The following TENM3 variants were observed in gnomAD, a reference collection of about 807,000 sequenced individuals.
TENM3 encodes teneurin transmembrane protein 3, also known as teneurin-3.
Under a neutral mutation model 255.1 loss-of-function variants are expected in TENM3, and 63 were observed. The observed-to-expected ratio is 0.25, with a 90% confidence interval of 0.20 to 0.30. The LOEUF (loss-of-function observed/expected upper bound fraction) is 0.30. Ranked by LOEUF, TENM3 falls within the 10% of genes least tolerant of loss-of-function variation. The pLI is 1.00. For missense variants in TENM3, 2,929 were observed against 3,461.1 expected (o/e 0.85, Z 3.86); for synonymous variants, 1,306 against 1,322.3 (o/e 0.99, Z 0.27).
the TENM3 span, among the ~76,000 whole-genome samples, chr4:182,077,966 G>A: frequency 2.0e-5 from 3 of 152,032 alleles, no homozygotes; most frequent in Non-Finnish European, 4.4e-5. Flanking sequence ...AGTAAATGAG[G>A]CATTATGAAT....
the TENM3 span, among the ~76,000 whole-genome samples, chr4:181,665,634 C>A: frequency 6.9e-6 from 1 of 145,758 alleles, no homozygotes. Context: ...TATACACACA[C>A]ATACACACAC....
chr4:181,769,688 T>C, the TENM3 span, among the ~76,000 whole-genome samples: 1 of 152,180 alleles, frequency 6.6e-6, no homozygotes, highest in Non-Finnish European at 1.5e-5. Flanking sequence ...GTGTAGTCTC[T>C]AATAACTGAT....
At chr4:182,299,875 A>G (rs1203986185) in intron 1 of TENM3, among the ~76,000 whole-genome samples, 1 of 151,594 alleles carries the variant, frequency 6.6e-6, no homozygotes, top group Non-Finnish European at 1.5e-5. Context: ...CCATTTTGAT[A>G]TGAACAGAAG....
At chr4:182,057,444 T>A in the TENM3 span, among the ~76,000 whole-genome samples, 3 of 149,310 alleles carry the variant, frequency 2.0e-5, no homozygotes, top group African/African-American at 7.4e-5. Context: ...AGTCTCTTGC[T>A]CCATGGCCCA....
chr4:182,085,647 G>A, the TENM3 span, among the ~76,000 whole-genome samples: 1 of 152,248 alleles, frequency 6.6e-6, no homozygotes, highest in South Asian at 2.1e-4. Context: ...CAATGCTCAT[G>A]TAGGAATTTA....
chr4:182,105,161 T>G, the TENM3 span, among the ~76,000 whole-genome samples: 1 of 152,166 alleles, frequency 6.6e-6, no homozygotes, highest in Non-Finnish European at 1.5e-5. Flanking sequence ...TACAGTGACC[T>G]GTGGTTGTGC....
At chr4:182,533,050 T>C (rs1739931472) in intron 3 of TENM3, among the ~76,000 whole-genome samples, 1 of 152,188 alleles carries the variant, frequency 6.6e-6, no homozygotes, top group Admixed American at 6.5e-5. Context: ...TTATTATGCC[T>C]CCCTAAGTGC....
chr4:182,485,905 A>G (rs558926035), intron 3 of TENM3, among the ~76,000 whole-genome samples: 1 of 152,228 alleles, frequency 6.6e-6, no homozygotes, highest in East Asian at 1.9e-4. Flanking sequence ...CAATGGTAGC[A>G]CAGAAGATGG....
At chr4:182,012,970 A>G in the TENM3 span, among the ~76,000 whole-genome samples, 1 of 152,018 alleles carries the variant, frequency 6.6e-6, no homozygotes, top group East Asian at 1.9e-4. Context: ...CTTTCATGGT[A>G]TTTTAGTCAC....
chr4:182,364,173 G>A (rs967918752), intron 3 of TENM3, among the ~76,000 whole-genome samples: 1 of 151,874 alleles, frequency 6.6e-6, no homozygotes, highest in Non-Finnish European at 1.5e-5. Context: ...TACGACAGAT[G>A]TGATAAAAGT....
the TENM3 span, among the ~76,000 whole-genome samples, chr4:182,016,512 T>C: frequency 1.3e-5 from 2 of 152,162 alleles, no homozygotes; most frequent in South Asian, 4.1e-4. Flanking sequence ...TCTGTGTGCA[T>C]TTTCCCCTTG....
chr4:182,647,120 A>G lies in TENM3; in HGVS notation c.989-6651A>G, dbSNP rs1388986602. ...GATACAGTAAGATGCTGGTCACTTC[A>G]TACCGTCTGGGTTAAGTTTCCGACT... On this transcript the variant is annotated intron_variant, in intron 5 of 27. Coordinates refer to ENST00000511685, the MANE Select transcript of TENM3 (RefSeq NM_001080477.4). 3.3e-5 allele frequency among the ~76,000 whole-genome samples: 5 copies of G among 152,350 alleles called. No individual in the cohort carries two copies. The East Asian group carries it at 7.7e-4, about 23-fold the overall frequency.
At chr4:182,466,492 G>A (rs967621751) in intron 3 of TENM3, among the ~76,000 whole-genome samples, 2 of 152,060 alleles carry the variant, frequency 1.3e-5, no homozygotes, top group Admixed American at 6.6e-5. Context: ...ACCATGCCTG[G>A]CTAATTTTTT....
At chr4:181,653,541 C>T in the TENM3 span, among the ~76,000 whole-genome samples, 1 of 152,076 alleles carries the variant, frequency 6.6e-6, no homozygotes, top group African/African-American at 2.4e-5. Context: ...GCTGGAACTA[C>T]AGGCACCCAC....
chr4:182,268,892 C>T (rs1166068622), intron 1 of TENM3, among the ~76,000 whole-genome samples: 1 of 152,108 alleles, frequency 6.6e-6, no homozygotes. Context: ...TATGGAGTAG[C>T]CATTCTTTTA....
the TENM3 span, among the ~76,000 whole-genome samples, chr4:181,654,842 T>A: frequency 6.6e-6 from 1 of 151,264 alleles, no homozygotes; most frequent in African/African-American, 2.4e-5. Flanking sequence ...ACCCAGACTC[T>A]GAGTAGTTGG....
the TENM3 span, among the ~76,000 whole-genome samples, chr4:182,074,798 A>G: frequency 6.6e-6 from 1 of 152,242 alleles, no homozygotes; most frequent in Admixed American, 6.5e-5. Context: ...TCACACTCCA[A>G]TTAAGAGTCT....
the TENM3 span, among the ~76,000 whole-genome samples, chr4:181,608,463 G>C: frequency 6.6e-6 from 1 of 152,136 alleles, no homozygotes; most frequent in African/African-American, 2.4e-5. Flanking sequence ...AGTATCCCCA[G>C]GTAGTTGATT....
intron 1 of TENM3, among the ~76,000 whole-genome samples, chr4:182,230,891 G>A (rs2150014317): frequency 7.9e-6 from 1 of 125,862 alleles, no homozygotes; most frequent in East Asian, 2.5e-4. Flanking sequence ...GATAATTACA[G>A]CACACGAAGA....
Sources: gnomAD v4.1 joint callset for allele counts (sites outside exome capture counted in the v4.1 genomes callset) on GRCh38, gnomAD v4.1.1 for gene constraint, MANE v1.5 for transcripts, NCBI Gene and HGNC (gene_info 2026-07-23, HGNC 2026-07-21) for gene names.